GALNT17: variants seen among roughly 807,000 people sequenced by gnomAD.
GALNT17 encodes UDP-GalNAc:polypeptide N-acetylgalactosaminyltransferase-like 3.
GALNT17 carries 29 observed loss-of-function variants against 63.7 expected under a neutral mutation model. The ratio of observed to expected loss-of-function variants is 0.46; its 90% CI spans 0.34 to 0.62. The LOEUF (loss-of-function observed/expected upper bound fraction) is 0.62. Among genes scored for constraint, GALNT17 ranks in the 20% least tolerant of loss-of-function variants. The pLI is 0.01. For synonymous variants in GALNT17, 305 were observed against 318.3 expected, an observed-to-expected ratio of 0.96 and a Z score of 0.45; for missense variants, 603 against 799.6, an observed-to-expected ratio of 0.75 and a Z score of 2.97.
rs1239589519 is a variant in GALNT17 at position 71,382,082 on chromosome 7, A to G, written c.423-6153A>G. On this transcript the variant is annotated intron_variant, in intron 2 of 10. Coordinates refer to ENST00000333538, the MANE Select transcript of GALNT17 (RefSeq NM_022479.3). ...AACCAGGGAAGGGCTAATAGATTAA[A>G]AAAACAAAACAAAATGGCTAGGCGT... 2.6e-5 allele frequency among the ~76,000 whole-genome samples: 4 copies of G among 152,116 alleles called. No individual in the cohort carries two copies. The East Asian group carries it at 5.8e-4, about 22-fold the overall frequency.
chr7:71,496,446 G>T (rs1788094980), intron 5 of GALNT17, among the ~76,000 whole-genome samples: 4 of 152,206 alleles, frequency 2.6e-5, no homozygotes, highest in Admixed American at 2.6e-4. Flanking sequence ...TCACGTATTG[G>T]TGAGGTCACT....
At chr7:71,529,915 G>A (rs1422224500) in intron 5 of GALNT17, among the ~76,000 whole-genome samples, 3 of 152,068 alleles carry the variant, frequency 2.0e-5, no homozygotes, top group Non-Finnish European at 4.4e-5. Flanking sequence ...GCTTTTCTAG[G>A]GAAAGCTTTT....
chr7:71,213,361 T>C (rs1219401279), intron 1 of GALNT17, among the ~76,000 whole-genome samples: 2 of 152,216 alleles, frequency 1.3e-5, no homozygotes, highest in Non-Finnish European at 2.9e-5. Context: ...CTCTTTTGCT[T>C]CCTAGTCCCA....
chr7:71,385,522 T>G (rs189732370), intron 2 of GALNT17, among the ~76,000 whole-genome samples: 1 of 152,320 alleles, frequency 6.6e-6, no homozygotes, highest in East Asian at 1.9e-4. Context: ...TGCCTGGGAT[T>G]CTTCAGTTCC....
chr7:71,656,377 T>A (rs1352058889), intron 6 of GALNT17, among the ~76,000 whole-genome samples: 3 of 151,256 alleles, frequency 2.0e-5, no homozygotes, highest in Admixed American at 2.0e-4. Flanking sequence ...GGGGGAGGAG[T>A]GTCCCGGGCA....
intron 1 of GALNT17, among the ~76,000 whole-genome samples, chr7:71,231,836 G>A (rs1583782386): frequency 6.6e-6 from 1 of 151,764 alleles, no homozygotes; most frequent in Middle Eastern, 3.4e-3. Context: ...CCATTATGAG[G>A]GCCCCACCCT....
At chr7:71,277,080 G>A (rs1790695902) in intron 1 of GALNT17, among the ~76,000 whole-genome samples, 1 of 152,106 alleles carries the variant, frequency 6.6e-6, no homozygotes, top group African/African-American at 2.4e-5. Flanking sequence ...CAAATACAAG[G>A]AAACAACCTA....
intron 6 of GALNT17, among the ~76,000 whole-genome samples, chr7:71,582,010 C>T (rs998433838): frequency 1.2e-4 from 18 of 151,980 alleles, no homozygotes; most frequent in Non-Finnish European, 8.8e-5. Flanking sequence ...ATGGTTTGAG[C>T]GTGTGAGTTA....
chr7:71,478,459 G>A (rs1042451321), intron 5 of GALNT17, among the ~76,000 whole-genome samples: 20 of 151,936 alleles, frequency 1.3e-4, no homozygotes, highest in African/African-American at 4.4e-4. Context: ...AACCATAGGC[G>A]TGCCCCACCA....
chr7:71,637,756 C>A (rs1329498254), intron 6 of GALNT17, among the ~76,000 whole-genome samples: 1 of 152,154 alleles, frequency 6.6e-6, no homozygotes, highest in Non-Finnish European at 1.5e-5. Flanking sequence ...TGTGCTCAGC[C>A]AGCATGTCAG....
chr7:71,197,710 G>T (rs1400970396), intron 1 of GALNT17, among the ~76,000 whole-genome samples: 1 of 151,910 alleles, frequency 6.6e-6, no homozygotes, highest in Non-Finnish European at 1.5e-5. Flanking sequence ...TTATCTTTCT[G>T]TGCCTGGCTT....
intron 9 of GALNT17, among the ~76,000 whole-genome samples, chr7:71,700,914 T>C (rs546221202): frequency 8.3e-4 from 126 of 152,352 alleles, no homozygotes; most frequent in African/African-American, 3.0e-3. Context: ...TCATTCATGA[T>C]GTCAACAAAT....
intron 5 of GALNT17, among the ~76,000 whole-genome samples, chr7:71,569,710 G>A (rs776928298): frequency 2.6e-5 from 4 of 152,050 alleles, no homozygotes; most frequent in African/African-American, 4.8e-5. Context: ...GCATGATATC[G>A]TTCCTTTTTA....
chr7:71,267,966 G>T (rs1158855381), intron 1 of GALNT17, among the ~76,000 whole-genome samples: 1 of 151,976 alleles, frequency 6.6e-6, no homozygotes, highest in Non-Finnish European at 1.5e-5. Flanking sequence ...GATGTTGAAG[G>T]AGACTGTTCC....
intron 6 of GALNT17, among the ~76,000 whole-genome samples, chr7:71,618,513 G>T (rs1790249432): frequency 6.6e-6 from 1 of 152,098 alleles, no homozygotes; most frequent in Non-Finnish European, 1.5e-5. Context: ...CATTCTGACT[G>T]GTATGAGATG....
chr7:71,576,833 A>G (rs537158812), intron 6 of GALNT17, among the ~76,000 whole-genome samples: 104 of 152,224 alleles, frequency 6.8e-4, no homozygotes, highest in Middle Eastern at 3.4e-3. Context: ...CTCCCAAAGT[A>G]CTAGGACTAC....
intron 4 of GALNT17, among the ~76,000 whole-genome samples, chr7:71,418,154 C>G (rs1786578395): frequency 6.6e-6 from 1 of 152,174 alleles, no homozygotes; most frequent in Non-Finnish European, 1.5e-5. Context: ...GTTCAAAATC[C>G]AGCAGGTTTG....
chr7:71,164,296 C>A (rs1376606820), intron 1 of GALNT17, among the ~76,000 whole-genome samples: 1 of 152,088 alleles, frequency 6.6e-6, no homozygotes, highest in Non-Finnish European at 1.5e-5. Flanking sequence ...ATGGTGGAAG[C>A]TGAAGGGGAA....
chr7:71,449,012 A>T (rs1787209075), intron 5 of GALNT17, among the ~76,000 whole-genome samples: 1 of 151,936 alleles, frequency 6.6e-6, no homozygotes, highest in Admixed American at 6.6e-5. Context: ...CCATTTGTTA[A>T]AGTTGACAGC....
Sources: allele counts gnomAD v4.1 joint callset (sites outside exome capture counted in the v4.1 genomes callset), GRCh38; gene constraint gnomAD v4.1.1; transcripts MANE v1.5; gene names NCBI Gene and HGNC (gene_info 2026-07-23, HGNC 2026-07-21).